The following RNGTT variants were observed in gnomAD, a reference collection of about 807,000 sequenced individuals.
RNGTT encodes RNA guanylyltransferase and 5'-phosphatase.
A neutral mutation model predicts 79.3 loss-of-function variants in RNGTT; 33 were observed. That is an observed-to-expected ratio of 0.42 (90% CI 0.32 to 0.56). RNGTT has a LOEUF of 0.56. Among genes scored for constraint, RNGTT ranks in the 20% least tolerant of loss-of-function variants. The probability of loss-of-function intolerance (pLI) is 0.17; values close to 1 mark genes in which losing one functional copy is unlikely to be tolerated. For synonymous variants in RNGTT, 222 were observed against 235.9 expected (o/e 0.94, Z 0.54); for missense variants, 497 against 739.1 (o/e 0.67, Z 3.80).
chr6:88,820,975 A>G (rs1419703394), intron 11 of RNGTT, among the ~76,000 whole-genome samples: 1 of 152,106 alleles, frequency 6.6e-6, no homozygotes, highest in Admixed American at 6.5e-5. Flanking sequence ...TTGTATGGAG[A>G]GGCAAACGAT....
At chr6:88,763,832 A>G (rs1052027534) in intron 13 of RNGTT, among the ~76,000 whole-genome samples, 1 of 152,204 alleles carries the variant, frequency 6.6e-6, no homozygotes, top group Non-Finnish European at 1.5e-5. Context: ...TGGATACTAA[A>G]AAGGACGTTA....
At chr6:88,656,978 C>T (rs2127780275) in intron 14 of RNGTT, among the ~76,000 whole-genome samples, 1 of 152,134 alleles carries the variant, frequency 6.6e-6, no homozygotes, top group East Asian at 1.9e-4. Flanking sequence ...GTAATCCCAG[C>T]TACTCGAGAG....
chr6:88,696,664 TAAATGG>T (rs145780552), intron 13 of RNGTT, among the ~76,000 whole-genome samples: 3,747 of 152,050 alleles, frequency 0.025, 136 homozygotes, highest in African/African-American at 0.085. Flanking sequence ...GTTAAAAGGT[TAAATGG>T]AATAAATCTT....
chr6:88,718,772 ATC>A (rs1289850672), intron 13 of RNGTT, among the ~76,000 whole-genome samples: 1 of 152,176 alleles, frequency 6.6e-6, no homozygotes, highest in East Asian at 1.9e-4. Flanking sequence ...CTCTTTTGCT[ATC>A]TTCCAATTAG....
intron 13 of RNGTT, among the ~76,000 whole-genome samples, chr6:88,749,612 T>C (rs571093802): frequency 3.1e-4 from 47 of 152,134 alleles, no homozygotes; most frequent in Non-Finnish European, 5.7e-4. Flanking sequence ...AAATGCTCCA[T>C]TTATGAAGAC....
At chr6:88,786,041 T>A (rs930576508) in intron 12 of RNGTT, among the ~76,000 whole-genome samples, 4 of 152,122 alleles carry the variant, frequency 2.6e-5, no homozygotes, top group Admixed American at 1.3e-4. Flanking sequence ...TATGTTTTAC[T>A]AACCATAGTA....
chr6:88,885,888 T>A (rs1330311523), intron 8 of RNGTT, among the ~76,000 whole-genome samples: 2 of 152,238 alleles, frequency 1.3e-5, no homozygotes, highest in Non-Finnish European at 2.9e-5. Flanking sequence ...ACTGTGATGT[T>A]CTTGCAAGCA....
chr6:88,952,215 A>G (rs1395840222), intron 1 of RNGTT, among the ~76,000 whole-genome samples: 1 of 152,142 alleles, frequency 6.6e-6, no homozygotes, highest in African/African-American at 2.4e-5. Context: ...TCTGGAACAT[A>G]ACCTGTTGGC....
intron 14 of RNGTT, among the ~76,000 whole-genome samples, chr6:88,637,277 A>C (rs1239940853): frequency 6.6e-6 from 1 of 152,122 alleles, no homozygotes; most frequent in Non-Finnish European, 1.5e-5. Context: ...TGAAGAAATA[A>C]ATGCCATTCG....
intron 12 of RNGTT, 65 bp from the exon 13 acceptor site, chr6:88,769,939 A>C: frequency 3.7e-6 from 4 of 1,078,518 alleles, no homozygotes; most frequent in Non-Finnish European, 5.4e-6. Context: ...TCAATGTATT[A>C]AACCTAATGT....
chr6:88,693,659 C>A (rs753021565), intron 13 of RNGTT, among the ~76,000 whole-genome samples: 2 of 152,082 alleles, frequency 1.3e-5, no homozygotes, highest in Non-Finnish European at 2.9e-5. Context: ...TACAAGAAAA[C>A]TATGGACCAA....
At chr6:88,861,676 T>C (rs1195270193) in intron 8 of RNGTT, among the ~76,000 whole-genome samples, 2 of 152,180 alleles carry the variant, frequency 1.3e-5, no homozygotes, top group East Asian at 3.8e-4. Context: ...CACTTCTGTA[T>C]AAAGCAAAAT....
At chr6:88,761,528 C>T (rs144016773) in intron 13 of RNGTT, among the ~76,000 whole-genome samples, 25 of 152,070 alleles carry the variant, frequency 1.6e-4, no homozygotes, top group African/African-American at 6.0e-4. Flanking sequence ...CTAAGCCTCC[C>T]AATACAAGTG....
intron 8 of RNGTT, among the ~76,000 whole-genome samples, chr6:88,863,028 T>G (rs1782062358): frequency 1.3e-5 from 2 of 152,216 alleles, no homozygotes; most frequent in African/African-American, 2.4e-5. Flanking sequence ...TGTGACTGAT[T>G]ATGGCTTTAT....
At chr6:88,675,112 A>T (rs1774816934) in intron 14 of RNGTT, among the ~76,000 whole-genome samples, 1 of 151,968 alleles carries the variant, frequency 6.6e-6, no homozygotes, top group South Asian at 2.1e-4. Context: ...GAAAAAAAAA[A>T]AAAAAATTAT....
At chr6:88,829,175 T>A (rs6941176) in intron 11 of RNGTT, among the ~76,000 whole-genome samples, 5,720 of 152,238 alleles carry the variant, frequency 0.038, 167 homozygotes, top group African/African-American at 0.076. Flanking sequence ...CCCATCAGAC[T>A]AACAGCAGAT....
chr6:88,737,980 G>C (rs1437692703), intron 13 of RNGTT, among the ~76,000 whole-genome samples: 2 of 152,162 alleles, frequency 1.3e-5, no homozygotes, highest in Non-Finnish European at 2.9e-5. Flanking sequence ...GCTTCACATA[G>C]TGATTTCCTT....
At chr6:88,658,945 G>C (rs1168809163) in intron 14 of RNGTT, among the ~76,000 whole-genome samples, 1 of 152,216 alleles carries the variant, frequency 6.6e-6, no homozygotes, top group East Asian at 1.9e-4. Context: ...TGAGGTTTTA[G>C]AACTCAGACT....
intron 12 of RNGTT, among the ~76,000 whole-genome samples, chr6:88,796,679 G>T (rs1779613160): frequency 6.6e-6 from 1 of 152,142 alleles, no homozygotes; most frequent in South Asian, 2.1e-4. Flanking sequence ...TTTTCTCTAT[G>T]AAGAGAAGGA....
Sources: gnomAD v4.1 joint callset for allele counts (sites outside exome capture counted in the v4.1 genomes callset) on GRCh38, gnomAD v4.1.1 for gene constraint, MANE v1.5 for transcripts, NCBI Gene and HGNC (gene_info 2026-07-23, HGNC 2026-07-21) for gene names.